The following PRDM4 variants were observed in gnomAD, a reference collection of about 807,000 sequenced individuals.
PRDM4 encodes the protein PR/SET domain 4.
A neutral mutation model predicts 62.3 loss-of-function variants in PRDM4; 38 were observed. The ratio of observed to expected loss-of-function variants is 0.61; its 90% CI spans 0.47 to 0.80. The LOEUF (loss-of-function observed/expected upper bound fraction) is 0.80, where lower values mean the gene tolerates loss of function less well. PRDM4 is among the 30% of genes least tolerant of loss of function. The pLI, the probability that PRDM4 is intolerant of heterozygous loss-of-function variation, is 0.00. For synonymous variants in PRDM4, 339 were observed against 348.2 expected (o/e 0.97, Z 0.30); for missense variants, 858 against 997.1 (o/e 0.86, Z 1.88).
At position 107,741,035 on chromosome 12, in the gene PRDM4, T is replaced by C. The variant is rs754304421; in HGVS notation, c.1835A>G (p.His612Arg). The change falls in exon 10 of 12, where the codon CAC becomes CGC. Residue 612 changes from histidine (H) to arginine (R), a missense_variant. Transcript: ENST00000228437. The stretch of plus-strand genomic sequence containing the variant: ...ACACTTGTGGGGCTTCATACCCATG[T>C]GACCCATAAAGTGGACATGAAGTTT... ...PSKLHVHFMG[H>R]MGMKPHKCDF... is the part of the protein sequence containing the mutation. 1 of 1,614,222 alleles carries C rather than the reference T, an allele frequency of 6.2e-7. No homozygotes were observed. The highest frequency in any genetic ancestry group is 8.5e-7 in the Non-Finnish European group (1 of 1,180,036).
Position 107,751,820 on chromosome 12 carries a change from T to A in PRDM4, c.721A>T (p.Ser241Cys), listed in dbSNP as rs1476073621. 2.5e-6 allele frequency: 4 copies of A among 1,614,224 alleles called. No individual in the cohort carries two copies. The South Asian group carries it at 3.3e-5, about 13-fold the overall frequency. The change falls in exon 5 of 12, where the codon AGC becomes TGC. Residue 241 changes from serine to cysteine, a missense_variant. Around this residue, in one of 3 missense-constraint regions of PRDM4, gnomAD observed 499 missense variants for 546.7 expected, o/e 0.91. Coordinates refer to ENST00000228437, the MANE Select transcript of PRDM4 (RefSeq NM_012406.4). ...ACAGCGTCTGCTGCAAGGTTGTTGCTCACAGAATCCACAGACAGAGGTTCA... is the reference window on the plus strand; with the variant it reads ...ACAGCGTCTGCTGCAAGGTTGTTGCACACAGAATCCACAGACAGAGGTTCA... ...SHEPLSVDSV[S>C]NNLAADAVGH... is the part of the protein sequence containing the mutation.
At chr12:107,748,256 C>A (rs55929921) in intron 5 of PRDM4, among the ~76,000 whole-genome samples, 3 of 152,010 alleles carry the variant, frequency 2.0e-5, no homozygotes, top group Non-Finnish European at 4.4e-5. Context: ...GAACCCTCAT[C>A]CACTGCTGCT....
At chr12:107,739,578 G>A (rs748249486) in intron 10 of PRDM4, 27 bp from the exon 11 acceptor site, 138 of 1,598,226 alleles carry the variant, frequency 8.6e-5, no homozygotes, top group Non-Finnish European at 1.1e-4. Context: ...GTATTACACC[G>A]TGAAGAAAAC....
intron 11 of PRDM4, among the ~76,000 whole-genome samples, chr12:107,734,847 C>T (rs1320613700): frequency 2.0e-5 from 3 of 152,188 alleles, no homozygotes; most frequent in Non-Finnish European, 4.4e-5. Context: ...CCTTCCACTG[C>T]TGTATACTAT....
Position 107,751,703 on chromosome 12 carries a change from T to C in PRDM4, c.838A>G (p.Met280Val). 1.2e-6 allele frequency: 2 copies of C among 1,614,138 alleles called. No homozygotes were observed. Among genetic ancestry groups the C allele is most frequent in the South Asian group, 1.1e-5 (1 of 91,080 alleles). The change falls in exon 5 of 12, where the codon ATG (methionine) becomes GTG (valine). Residue 280 changes from methionine to valine, a missense_variant. By Grantham distance (21) the Met-to-Val change is conservative. Transcript: ENST00000228437. ...TDHIASRVNG[M>V]SDSALSDSIH... ...GAGTCACTGAGGGCACTGTCAGACA[T>C]GCCATTGACCCGACTTGCAATGTGG... is the stretch of plus-strand genomic sequence containing the variant.
At chr12:107,737,289 T>C (rs1890364836) in intron 11 of PRDM4, among the ~76,000 whole-genome samples, 1 of 152,062 alleles carries the variant, frequency 6.6e-6, no homozygotes, top group South Asian at 2.1e-4. Context: ...CACTTTGAAA[T>C]GCCCCAAAGT....
intron 5 of PRDM4, among the ~76,000 whole-genome samples, chr12:107,748,404 T>C (rs144994069): frequency 5.3e-5 from 8 of 152,250 alleles, no homozygotes; most frequent in African/African-American, 1.7e-4. Flanking sequence ...GCATTATTCA[T>C]AGTAGCCAAA....
At chr12:107,744,207 C>T (rs995179059) in intron 7 of PRDM4, among the ~76,000 whole-genome samples, 20 of 152,024 alleles carry the variant, frequency 1.3e-4, no homozygotes, top group African/African-American at 4.6e-4. Context: ...GTTTTAATTA[C>T]AAAGTAAGAC....
intron 4 of PRDM4, among the ~76,000 whole-genome samples, chr12:107,753,395 G>GA (rs2136329614): frequency 7.0e-6 from 1 of 142,724 alleles, no homozygotes; most frequent in South Asian, 2.3e-4. Flanking sequence ...AAAAAGAAAA[G>GA]AAAAAAGAGA....
intron 3 of PRDM4, among the ~76,000 whole-genome samples, chr12:107,756,535 T>G (rs183654931): frequency 2.0e-5 from 3 of 152,312 alleles, no homozygotes; most frequent in Admixed American, 2.0e-4. Context: ...GTGAACCAGA[T>G]GAATGGGCAG....
At chr12:107,760,344 A>C (rs1432314528) in intron 2 of PRDM4, among the ~76,000 whole-genome samples, 161 bp downstream of exon 2, 2 of 152,250 alleles carry the variant, frequency 1.3e-5, no homozygotes, top group East Asian at 3.8e-4. Context: ...AGGATGCATG[A>C]GATTACATTC....
intron 6 of PRDM4, among the ~76,000 whole-genome samples, chr12:107,745,633 T>C (rs918925258): frequency 6.6e-6 from 1 of 152,220 alleles, no homozygotes; most frequent in Non-Finnish European, 1.5e-5. Context: ...TGTAAAAATA[T>C]AAAGCAATTA....
intron 10 of PRDM4, 87 bp from the exon 11 acceptor site, chr12:107,739,638 G>A (rs187667587): frequency 2.7e-5 from 37 of 1,377,658 alleles, no homozygotes; most frequent in Admixed American, 1.9e-4. Flanking sequence ...GCATGCAGCA[G>A]AGGCAGGAAT....
rs769224853 is a variant in PRDM4 at position 107,752,103 on chromosome 12, T to C, written c.438A>G (p.Ala146=). 6.2e-7 allele frequency: 1 copy of C among 1,609,534 alleles called. No homozygotes were observed. The highest frequency in any genetic ancestry group is 1.3e-5 in the African/African-American group (1 of 74,922). The change falls in exon 5 of 12, where the codon GCA becomes GCG. Residue 146 remains alanine (A), a synonymous_variant. Transcript: ENST00000228437. ...TTCCATTGGACTGATAGGGATCTAG[T>C]GCTGAAGGGTTATTGGTGATAGATA... The part of the protein sequence containing the change: ...TALSITNNPS[A]LDPYQSNGNV...
chr12:107,758,618 A>T (rs970266308), intron 2 of PRDM4, among the ~76,000 whole-genome samples: 6 of 152,244 alleles, frequency 3.9e-5, no homozygotes, highest in African/African-American at 1.2e-4. Context: ...AACTATAGTA[A>T]GAAAAAGACA....
In PRDM4 at chr12:107,760,594, G is replaced by A. The variant is rs1891213631; in HGVS notation, c.-79C>T. The A allele has an allele frequency of 3.2e-6, 5 of 1,560,014 alleles. No homozygotes were observed. Among genetic ancestry groups the A allele is most frequent in the Non-Finnish European group, 3.5e-6 (4 of 1,142,318 alleles). On this transcript the variant is annotated 5_prime_UTR_variant, in exon 2 of 12. It adds an upstream start codon to the 5' untranslated region. Coordinates refer to ENST00000228437, the MANE Select transcript of PRDM4 (RefSeq NM_012406.4). ...ATCAGGGTTTGCGTTCCAGGGTCAC[G>A]TGCTACCACATCTTGCTCACAACCG...
At chr12:107,758,699 G>A (rs1431939589) in intron 2 of PRDM4, among the ~76,000 whole-genome samples, 1 of 152,100 alleles carries the variant, frequency 6.6e-6, no homozygotes, top group Admixed American at 6.5e-5. Context: ...TTATATTGTG[G>A]CGTATATTTA....
At position 107,751,845 on chromosome 12, in the gene PRDM4, A is replaced by G. The variant is rs771894530; in HGVS notation, c.696T>C (p.His232=). ...HSQIPNGSRS[H]EPLSVDSVSN... ...TCACAGAATCCACAGACAGAGGTTCATGACTTCTGGAGCCATTTGGGATTT... is the reference window on the plus strand; with the variant it reads ...TCACAGAATCCACAGACAGAGGTTCGTGACTTCTGGAGCCATTTGGGATTT... The change falls in exon 5 of 12, where the codon CAT becomes CAC. Residue 232 remains histidine, a synonymous_variant. Transcript: ENST00000228437. 5.6e-6 allele frequency: 9 copies of G among 1,614,244 alleles called. No homozygotes were observed. The highest frequency in any genetic ancestry group is 2.2e-5 in the East Asian group (1 of 44,880).
chr12:107,754,662 C>T (rs936800313), intron 3 of PRDM4, among the ~76,000 whole-genome samples: 1 of 152,094 alleles, frequency 6.6e-6, no homozygotes, highest in African/African-American at 2.4e-5. Context: ...GGATTGCCAC[C>T]ATGCCCAGCC....
Sources: gnomAD v4.1 joint callset for allele counts (sites outside exome capture counted in the v4.1 genomes callset) on GRCh38, gnomAD v4.1.1 for gene constraint, gnomAD v4.1.1 regional missense constraint, MANE v1.5 for transcripts, NCBI Gene and HGNC (gene_info 2026-07-23, HGNC 2026-07-21) for gene names.